The following NSMF variants were observed in gnomAD, a reference collection of about 807,000 sequenced individuals.
NSMF encodes nasal embryonic LHRH factor.
NSMF carries 31 observed loss-of-function variants against 71.0 expected under a neutral mutation model. The observed-to-expected ratio is 0.44, with a 90% CI of 0.33 to 0.59. The LOEUF is 0.59. Ranked by LOEUF, NSMF falls within the 20% of genes least tolerant of loss-of-function variation. The probability of loss-of-function intolerance (pLI) is 0.04; values close to 1 mark genes in which losing one functional copy is unlikely to be tolerated. For missense variants in NSMF, 673 were observed against 740.5 expected, an observed-to-expected ratio of 0.91 and a Z score of 1.06; for synonymous variants, 345 against 287.1, an observed-to-expected ratio of 1.20 and a Z score of -2.04.
chr9:137,454,960 C>A (rs1358884495), intron 6 of NSMF: 2 of 703,518 alleles, frequency 2.8e-6, no homozygotes, highest in Admixed American at 4.3e-5. Context: ...AAAAAAGCTT[C>A]CCAGACACAT....
chr9:137,458,339 G>A (rs1283090557), intron 2 of NSMF, 149 bp downstream of exon 2: 3 of 740,856 alleles, frequency 4.0e-6, no homozygotes, highest in South Asian at 3.2e-5. Flanking sequence ...CTCGGGCAGG[G>A]AGGGCAGGGG....
rs368301876 is a variant in NSMF, at chr9:137,452,721, C to T, written c.1131+15G>A. 1.9e-5 allele frequency: 31 copies of T among 1,604,020 alleles called. No individual in the cohort carries two copies. The highest frequency in any genetic ancestry group is 5.3e-5 in the African/African-American group (4 of 74,858). On this transcript the variant is annotated intron_variant, in intron 10 of 15. Transcript: ENST00000371475. Reference sequence around the variant, plus strand: ...AGAGGGCATCTGTTGGGGGCAGGCCCGGGGCGGGACTCACGTAGAGGATGG... The same window carrying T: ...AGAGGGCATCTGTTGGGGGCAGGCCTGGGGCGGGACTCACGTAGAGGATGG...
chr9:137,457,303 G>A, intron 3 of NSMF, 104 bp downstream of exon 3: 2 of 1,505,044 alleles, frequency 1.3e-6, no homozygotes, highest in Non-Finnish European at 1.8e-6. Context: ...GCTGTGACCT[G>A]AGCACCTGTT....
In NSMF at chr9:137,459,095, G is replaced by A; in HGVS notation, c.8C>T (p.Ala3Val). 8.0e-7 allele frequency: 1 copy of A among 1,248,496 alleles called. No homozygotes were observed. Among genetic ancestry groups the A allele is most frequent in the African/African-American group, 1.6e-5 (1 of 63,974 alleles). 77.3% of individuals were successfully genotyped at this position (1,248,496 alleles called of 1,614,324 possible). A position where few individuals can be genotyped will look rare whatever the true frequency, so the allele number is the denominator to read the frequency against. The part of the protein sequence containing the change: MG[A>V]AASRRRALRS... ...CAGCGCCCTCCTCCTGGAGGCGGCG[G>A]CGCCCATGGTCGAGGCGGCGGCGCA... Residue 3 changes from alanine to valine, a missense_variant, in exon 1 of 16, where the codon GCC becomes GTC. Around this residue, in one of 2 missense-constraint regions of NSMF, gnomAD observed 471 missense variants for 459.6 expected, o/e 1.02. Coordinates refer to ENST00000371475, the MANE Select transcript of NSMF (RefSeq NM_001130969.3).
chr9:137,458,983 G>A, intron 1 of NSMF, 49 bp downstream of exon 1: 2 of 1,246,780 alleles, frequency 1.6e-6, no homozygotes, highest in South Asian at 2.5e-5. Flanking sequence ...ACTCGGGCGG[G>A]GTCGGAGGTC....
chr9:137,450,963 T>A (rs866762521), intron 12 of NSMF, among the ~76,000 whole-genome samples: 26 of 4,940 alleles, frequency 5.3e-3, no homozygotes, highest in South Asian at 0.02. Context: ...CCCCTGCCCC[T>A]CGTCTCTTCC....
intron 10 of NSMF, 41 bp from the exon 11 acceptor site, chr9:137,452,627 G>A (rs774237416): frequency 1.9e-5 from 30 of 1,612,126 alleles, no homozygotes; most frequent in South Asian, 4.4e-5. Flanking sequence ...TCAAGGCTGC[G>A]TCAGAGCCAG....
rs770992002 is a variant in NSMF, at chr9:137,457,870, G to A, written c.165C>T (p.His55=). The change falls in exon 3 of 16, where the codon CAC becomes CAT. Residue 55 remains histidine (H), a synonymous_variant. Coordinates refer to ENST00000371475, the MANE Select transcript of NSMF (RefSeq NM_001130969.3). ...DHLLADAYSG[H]DGSPEMQPAP... is the part of the protein sequence containing the mutation. Reference sequence around the variant, plus strand: ...CCGGCTGCATCTCGGGGGACCCGTCGTGGCCAGAGTAGGCATCAGCCAGCA... The same window carrying A: ...CCGGCTGCATCTCGGGGGACCCGTCATGGCCAGAGTAGGCATCAGCCAGCA... The A allele has an allele frequency of 1.0e-4, 159 of 1,548,180 alleles. No homozygotes were observed. The highest frequency in any genetic ancestry group is 1.3e-4 in the Non-Finnish European group (149 of 1,148,952).
In NSMF at chr9:137,450,150, C is replaced by T. The variant is rs569622599; in HGVS notation, c.1316+26G>A. ...CCTGGACTCTGCCTCCAGCCCTCCCCGCGCCCAGGGCACCCGGCTTCTCAC... is the reference window on the plus strand; with the variant it reads ...CCTGGACTCTGCCTCCAGCCCTCCCTGCGCCCAGGGCACCCGGCTTCTCAC... On this transcript the variant is annotated intron_variant, in intron 13 of 15. Coordinates refer to ENST00000371475, the MANE Select transcript of NSMF (RefSeq NM_001130969.3). The T allele has an allele frequency of 3.7e-5, 59 of 1,610,092 alleles. No individual in the cohort carries two copies. The Admixed American group carries it at 4.3e-4, about 12-fold the overall frequency.
In NSMF at chr9:137,459,088, G is replaced by A; in HGVS notation, c.15C>T (p.Ala5=). MGAA[A]SRRRALRSEA... ...CGCTCCTCAGCGCCCTCCTCCTGGA[G>A]GCGGCGGCGCCCATGGTCGAGGCGG... is the stretch of plus-strand genomic sequence containing the variant. The change falls in exon 1 of 16, where the codon GCC becomes GCT. Residue 5 remains alanine (A), a synonymous_variant. Transcript: ENST00000371475. 7.9e-7 allele frequency: 1 copy of A among 1,258,154 alleles called. No homozygotes were observed. Among genetic ancestry groups the A allele is most frequent in the Non-Finnish European group, 1.0e-6 (1 of 997,810 alleles). 77.9% of individuals were successfully genotyped at this position (1,258,154 alleles called of 1,614,324 possible). A position where few individuals can be genotyped will look rare whatever the true frequency, so the allele number is the denominator to read the frequency against.
In NSMF at chr9:137,457,746, G is replaced by A. The variant is rs1286453336; in HGVS notation, c.289C>T (p.Pro97Ser). 3 of 1,558,508 alleles carry A rather than the reference G, an allele frequency of 1.9e-6. No homozygotes were observed. Among genetic ancestry groups the A allele is most frequent in the Non-Finnish European group, 2.6e-6 (3 of 1,151,326 alleles). Residue 97 changes from proline to serine, a missense_variant, in exon 3 of 16, where the codon CCT becomes TCT. Pro to Ser is a moderately conservative substitution (Grantham distance 74, BLOSUM62 -1). This residue lies in a region of NSMF where 471 missense variants were observed against 459.6 expected (regional missense o/e 1.02). Coordinates refer to ENST00000371475, the MANE Select transcript of NSMF (RefSeq NM_001130969.3). ...GAGATGGTGTACACTCGAGGCTGAG[G>A]GCCCTCGCCTGCGGGCTTCCTAATG... ...PSIRKPAGEG[P>S]QPRVYTISGE...
chr9:137,452,494 C>T, intron 11 of NSMF, 59 bp from the exon 12 acceptor site: 1 of 1,611,324 alleles, frequency 6.2e-7, no homozygotes, highest in East Asian at 2.2e-5. Context: ...GGCACCCCCA[C>T]CTGTGTCTGC....
rs1478132640 is a variant in NSMF, at chr9:137,448,973, C to T, written c.*421G>A. 2 of 323,206 alleles carry T rather than the reference C, an allele frequency of 6.2e-6. No homozygotes were observed. The highest frequency in any genetic ancestry group is 1.7e-4 in the East Asian group (2 of 11,934). The allele number at this position is 323,206 out of a possible 1,614,324, so 20.0% of individuals were successfully genotyped here. A position where few individuals can be genotyped will look rare whatever the true frequency, so the allele number is the denominator to read the frequency against. ...TCCTGAACACATGTGGGCTGCTGGG[C>T]TGCTGGGCCGGGGTGCCTACACTGT... On this transcript the variant is annotated 3_prime_UTR_variant, in exon 16 of 16. Coordinates refer to ENST00000371475, the MANE Select transcript of NSMF (RefSeq NM_001130969.3). The surrounding 1 kb of genome is among the most constrained non-coding windows in gnomAD (Gnocchi z 5.3).
rs769870296 is a variant in NSMF at position 137,455,276 on chromosome 9, G to A, written c.742C>T (p.Arg248Trp). The change falls in exon 6 of 16, where the codon CGG becomes TGG. Residue 248 changes from arginine (R) to tryptophan (W), a missense_variant. Around this residue, in one of 2 missense-constraint regions of NSMF, gnomAD observed 471 missense variants for 459.6 expected, o/e 1.02. Transcript: ENST00000371475. Reference protein sequence around the residue: ...VFRGYAERKRRKRENDSASVI... With the variant: ...VFRGYAERKRWKRENDSASVI... ...GACGCGGAATCATTCTCCCGTTTCC[G>A]GCGCTTCCTCTCCGCGTAGCCCCTG... The A allele has an allele frequency of 5.0e-6, 8 of 1,612,794 alleles. No individual in the cohort carries two copies. The highest frequency in any genetic ancestry group is 2.2e-5 in the South Asian group (2 of 91,090).
In NSMF at chr9:137,453,404, G is replaced by C; in HGVS notation, c.923-224C>G. 1 of 640,302 alleles carries C rather than the reference G, an allele frequency of 1.6e-6. No individual in the cohort carries two copies. Among genetic ancestry groups the C allele is most frequent in the Non-Finnish European group, 2.7e-6 (1 of 373,404 alleles). 39.7% of individuals were successfully genotyped at this position (640,302 alleles called of 1,614,324 possible). A position where few individuals can be genotyped will look rare whatever the true frequency, so the allele number is the denominator to read the frequency against. Reference sequence around the variant, plus strand: ...GACCCTGGTGCGAGGCCGGTGGAAGGCGCGTGCAGGCATCAGCTCCAGCCA... The same window carrying C: ...GACCCTGGTGCGAGGCCGGTGGAAGCCGCGTGCAGGCATCAGCTCCAGCCA... On this transcript the variant is annotated intron_variant, in intron 8 of 15. Transcript: ENST00000371475. This position sits in a 1 kb window ranked among gnomAD's most constrained non-coding sequence, Gnocchi z 4.5.
rs1830789414 is a variant in NSMF, at chr9:137,455,521, A to G, written c.710+108T>C. The G allele has an allele frequency of 3.0e-6, 4 of 1,335,910 alleles. No individual in the cohort carries two copies. In the East Asian group the frequency reaches 1.0e-4, roughly 34 times the overall value. The allele number at this position is 1,335,910 out of a possible 1,614,324, so 82.8% of individuals were successfully genotyped here. A position where few individuals can be genotyped will look rare whatever the true frequency, so the allele number is the denominator to read the frequency against. On this transcript the variant is annotated intron_variant, in intron 5 of 15. Coordinates refer to ENST00000371475, the MANE Select transcript of NSMF (RefSeq NM_001130969.3). ...GGGAGCCAGGCCCGCAGAGAGCGGCACTCCCTCAAGACCCAGGTCCCTGGC... is the reference window on the plus strand; with the variant it reads ...GGGAGCCAGGCCCGCAGAGAGCGGCGCTCCCTCAAGACCCAGGTCCCTGGC...
intron 12 of NSMF, 28 bp downstream of exon 12, chr9:137,452,337 T>C (rs754821965): frequency 3.9e-6 from 6 of 1,539,118 alleles, no homozygotes; most frequent in South Asian, 1.1e-5. Flanking sequence ...ATTCTTCTCC[T>C]GGTCAGGAGA....
Position 137,453,092 on chromosome 9 carries a change from G to A in NSMF, c.1011C>T (p.Ala337=), listed in dbSNP as rs1222321271. The change falls in exon 9 of 16, where the codon GCC becomes GCT. Residue 337 remains alanine, a synonymous_variant. Coordinates refer to ENST00000371475, the MANE Select transcript of NSMF (RefSeq NM_001130969.3). This position sits in a 1 kb window ranked among gnomAD's most constrained non-coding sequence, Gnocchi z 4.5. ...GTGGCACGAAGCCTTCGGTGTCGCA[G>A]GCCACAGCCTCCAGGCCCTTCTCAG... is the stretch of plus-strand genomic sequence containing the variant. The part of the protein sequence containing the change: ...WDTEKGLEAV[A]CDTEGFVPPK... 1.9e-6 allele frequency: 3 copies of A among 1,612,528 alleles called. No individual in the cohort carries two copies. The highest frequency in any genetic ancestry group is 2.2e-5 in the East Asian group (1 of 44,890).
rs1002859158 is a variant in NSMF at position 137,454,460 on chromosome 9, G to C, written c.780-17C>G. 6.5e-7 allele frequency: 1 copy of C among 1,550,172 alleles called. No homozygotes were observed. Among genetic ancestry groups the C allele is most frequent in the Admixed American group, 2.0e-5 (1 of 50,994 alleles). ...CGGAAGTTCCTGGGGGAGGAAGCCA[G>C]GGGCTGAAGAGGGCCGTGAGAGGGT... On this transcript the variant is annotated splice_polypyrimidine_tract_variant and intron_variant, in intron 6 of 15. Transcript: ENST00000371475.
Sources: allele counts gnomAD v4.1 joint callset (sites outside exome capture counted in the v4.1 genomes callset), GRCh38; gene constraint gnomAD v4.1.1; regional missense constraint gnomAD v4.1.1; non-coding constraint Gnocchi (gnomAD v3.1); transcripts MANE v1.5; gene names NCBI Gene and HGNC (gene_info 2026-07-23, HGNC 2026-07-21).